UBR3: variants seen among roughly 807,000 people sequenced by gnomAD.
The protein encoded by UBR3 is ubiquitin protein ligase E3 component n-recognin 3.
Under a neutral mutation model 243.2 loss-of-function variants are expected in UBR3, and 85 were observed. The ratio of observed to expected loss-of-function variants is 0.35; its 90% CI spans 0.29 to 0.42. The LOEUF (loss-of-function observed/expected upper bound fraction) is 0.42, where lower values mean the gene tolerates loss of function less well. Among genes scored for constraint, UBR3 ranks in the 10% least tolerant of loss-of-function variants. The pLI, the probability that UBR3 is intolerant of heterozygous loss-of-function variation, is 1.00. For synonymous variants in UBR3, 748 were observed against 799.8 expected (o/e 0.94, Z 1.09); for missense variants, 1,686 against 2,300.8 (o/e 0.73, Z 5.47).
At chr2:169,847,228 A>G (rs1392137998) in intron 1 of UBR3, among the ~76,000 whole-genome samples, 1 of 152,102 alleles carries the variant, frequency 6.6e-6, no homozygotes, top group East Asian at 1.9e-4. Flanking sequence ...TTATTGATAT[A>G]GTTAAATTTA....
intron 6 of UBR3, 101 bp downstream of exon 6, chr2:169,891,332 C>G (rs2084367327): frequency 3.7e-6 from 3 of 806,466 alleles, no homozygotes; most frequent in Admixed American, 4.8e-5. Context: ...GACATCAAAG[C>G]TGTTTGAAGG....
intron 10 of UBR3, among the ~76,000 whole-genome samples, chr2:169,909,026 C>G (rs920466591): frequency 6.6e-6 from 1 of 151,932 alleles, no homozygotes; most frequent in Admixed American, 6.6e-5. Flanking sequence ...CGGGGTTTCA[C>G]TGTAGCCAGG....
intron 30 of UBR3, among the ~76,000 whole-genome samples, chr2:170,027,702 A>C (rs2090567078): frequency 6.6e-6 from 1 of 151,864 alleles, no homozygotes; most frequent in Non-Finnish European, 1.5e-5. Context: ...CTGTGAGAAG[A>C]ATTTAGTTTT....
chr2:169,964,668 AG>A (rs1366762173), intron 24 of UBR3: 3 of 367,976 alleles, frequency 8.2e-6, no homozygotes, highest in African/African-American at 6.4e-5. Context: ...GGAATTGCTG[AG>A]GAGAGTGGGA....
At chr2:169,894,815 C>A (rs2084519978) in intron 6 of UBR3, among the ~76,000 whole-genome samples, 1 of 152,168 alleles carries the variant, frequency 6.6e-6, no homozygotes, top group Non-Finnish European at 1.5e-5. Context: ...AGTCTCTCAT[C>A]TAAGTTTAGC....
At chr2:169,922,532 C>T (rs971946815) in intron 11 of UBR3, among the ~76,000 whole-genome samples, 1 of 151,968 alleles carries the variant, frequency 6.6e-6, no homozygotes, top group Non-Finnish European at 1.5e-5. Flanking sequence ...TTTGTATTGT[C>T]GTGCAGCCAA....
At chr2:170,060,740 C>T (rs2091440618) in intron 33 of UBR3, among the ~76,000 whole-genome samples, 1 of 151,996 alleles carries the variant, frequency 6.6e-6, no homozygotes, top group Non-Finnish European at 1.5e-5. Flanking sequence ...ATGTCTTGTA[C>T]ATATAGCTAT....
At chr2:169,927,902 G>T (rs1399259519) in intron 17 of UBR3, among the ~76,000 whole-genome samples, 2 of 152,152 alleles carry the variant, frequency 1.3e-5, no homozygotes, top group East Asian at 3.8e-4. Context: ...GTGGTTCTTT[G>T]TATAGGACTG....
intron 31 of UBR3, among the ~76,000 whole-genome samples, chr2:170,037,141 T>C (rs1197768363): frequency 1.3e-5 from 2 of 152,168 alleles, no homozygotes; most frequent in Non-Finnish European, 2.9e-5. Flanking sequence ...TCCTAGTTAT[T>C]AAATACTAAG....
rs1281184353 is a variant in UBR3 at position 170,073,604 on chromosome 2, A to T, written c.5196A>T (p.Gly1732=). The T allele has an allele frequency of 6.2e-7, 1 of 1,612,876 alleles. No individual in the cohort carries two copies. The highest frequency in any genetic ancestry group is 8.5e-7 in the Non-Finnish European group (1 of 1,179,406). Reference sequence around the variant, plus strand: ...TTACTGAAAGACATGCAGAACAAGGAAAGGTATGTTAAAAGAGTTGTACTA... The same window carrying T: ...TTACTGAAAGACATGCAGAACAAGGTAAGGTATGTTAAAAGAGTTGTACTA... ...KSFTERHAEQ[G]KALLIQESKW... is the part of the protein sequence containing the mutation. Residue 1732 remains glycine (G), a synonymous_variant, in exon 36 of 39, where the codon GGA becomes GGT. Coordinates refer to ENST00000272793, the MANE Select transcript of UBR3 (RefSeq NM_172070.4).
chr2:169,847,480 T>C (rs2082521664), intron 1 of UBR3, among the ~76,000 whole-genome samples: 1 of 152,190 alleles, frequency 6.6e-6, no homozygotes, highest in African/African-American at 2.4e-5. Context: ...CTTTTTAAAT[T>C]TCCCTCTAAG....
intron 31 of UBR3, among the ~76,000 whole-genome samples, chr2:170,035,744 G>A (rs1187921786): frequency 6.6e-6 from 1 of 151,918 alleles, no homozygotes; most frequent in Non-Finnish European, 1.5e-5. Context: ...TCTAGGTCAA[G>A]TAGCAAAGAA....
intron 32 of UBR3, among the ~76,000 whole-genome samples, chr2:170,052,022 C>T (rs2091230687): frequency 6.6e-6 from 1 of 152,084 alleles, no homozygotes; most frequent in South Asian, 2.1e-4. Context: ...ACTACAACTC[C>T]CCAGTGAGTT....
At chr2:169,997,876 C>T (rs1261772733) in intron 26 of UBR3, among the ~76,000 whole-genome samples, 1 of 152,076 alleles carries the variant, frequency 6.6e-6, no homozygotes, top group East Asian at 1.9e-4. Context: ...CTGATAAAAG[C>T]ACCATTTGAT....
At chr2:169,896,370 G>A (rs1156769382) in intron 7 of UBR3, 137 bp from the exon 8 acceptor site, 7 of 542,306 alleles carry the variant, frequency 1.3e-5, no homozygotes, top group South Asian at 4.4e-5. Flanking sequence ...CCTCACCATC[G>A]AGATTTTTTT....
At chr2:169,859,077 A>G (rs1195314136) in intron 1 of UBR3, among the ~76,000 whole-genome samples, 2 of 129,734 alleles carry the variant, frequency 1.5e-5, no homozygotes, top group Non-Finnish European at 3.3e-5. Flanking sequence ...GTGCCTCACC[A>G]TGGCTTTTTT....
intron 24 of UBR3, among the ~76,000 whole-genome samples, chr2:169,960,811 GTT>G (rs2087536359): frequency 6.6e-6 from 1 of 152,000 alleles, no homozygotes; most frequent in Non-Finnish European, 1.5e-5. Context: ...ACAATGAAGA[GTT>G]TGTATTAGTA....
intron 24 of UBR3, among the ~76,000 whole-genome samples, chr2:169,971,637 G>A (rs904908938): frequency 6.6e-6 from 1 of 152,094 alleles, no homozygotes; most frequent in African/African-American, 2.4e-5. Context: ...GATAGTTGTA[G>A]ATATGCAGCG....
chr2:170,027,384 ATTTTC>A (rs1028583840), intron 30 of UBR3, among the ~76,000 whole-genome samples: 2 of 151,450 alleles, frequency 1.3e-5, no homozygotes, highest in African/African-American at 2.4e-5. Context: ...CTCTGGACAT[ATTTTC>A]TTATCTATAG....
Sources: gnomAD v4.1 joint callset for allele counts (sites outside exome capture counted in the v4.1 genomes callset) on GRCh38, gnomAD v4.1.1 for gene constraint, MANE v1.5 for transcripts, NCBI Gene and HGNC (gene_info 2026-07-23, HGNC 2026-07-21) for gene names.